The following RABGAP1 variants were observed in gnomAD, a reference collection of about 807,000 sequenced individuals.
RABGAP1 encodes the protein RAB GTPase activating protein 1, also known as rab GTPase-activating protein 1.
A neutral mutation model predicts 137.6 loss-of-function variants in RABGAP1; 23 were observed. The ratio of observed to expected loss-of-function variants is 0.17; its 90% confidence interval spans 0.12 to 0.24. The LOEUF (loss-of-function observed/expected upper bound fraction) is 0.24, where lower values mean the gene tolerates loss of function less well. RABGAP1 is among the 10% of genes least tolerant of loss of function. RABGAP1 has a pLI of 1.00. For synonymous variants in RABGAP1, 451 were observed against 450.7 expected, an observed-to-expected ratio of 1.00 and a Z score of -0.01; for missense variants, 906 against 1,275.8, an observed-to-expected ratio of 0.71 and a Z score of 4.42.
intron 13 of RABGAP1, among the ~76,000 whole-genome samples, chr9:123,055,632 T>A (rs1482105883): frequency 3.3e-5 from 5 of 149,680 alleles, no homozygotes; most frequent in African/African-American, 1.2e-4. Context: ...TCACTGCAAC[T>A]TGCGCCTCCT....
intron 3 of RABGAP1, among the ~76,000 whole-genome samples, chr9:122,985,273 G>A (rs1456606215): frequency 1.3e-5 from 2 of 152,170 alleles, no homozygotes; most frequent in Admixed American, 1.3e-4. Context: ...ATAATGAAGT[G>A]GCTAAGATGA....
intron 14 of RABGAP1, among the ~76,000 whole-genome samples, chr9:123,068,573 T>C (rs1310553157): frequency 2.0e-5 from 3 of 152,172 alleles, no homozygotes; most frequent in African/African-American, 7.2e-5. Context: ...TTAATTGTTA[T>C]TAATTTGATA....
intron 10 of RABGAP1, among the ~76,000 whole-genome samples, chr9:123,008,821 A>C (rs543083884): frequency 5.3e-5 from 8 of 152,302 alleles, no homozygotes; most frequent in African/African-American, 1.9e-4. Context: ...CCTTTCAAAA[A>C]AAAGAATGTT....
At chr9:123,027,394 G>A (rs1030585101) in intron 13 of RABGAP1, among the ~76,000 whole-genome samples, 1 of 152,194 alleles carries the variant, frequency 6.6e-6, no homozygotes, top group Admixed American at 6.5e-5. Context: ...GATTACAGGC[G>A]TGAGCCACCG....
intron 13 of RABGAP1, 65 bp downstream of exon 13, chr9:123,020,524 A>G: frequency 2.2e-6 from 3 of 1,343,022 alleles, no homozygotes; most frequent in African/African-American, 1.5e-5. Flanking sequence ...AAAGATCATT[A>G]TAGTTATTTG....
chr9:123,103,372 C>G lies in RABGAP1; in HGVS notation c.*159C>G. ...GGTCACTGGACCAGAGCTTGTGAAG[C>G]AGGCAACCTCTGGGGTAAGACTACT... On this transcript the variant is annotated 3_prime_UTR_variant, in exon 26 of 26. Coordinates refer to ENST00000373647, the MANE Select transcript of RABGAP1 (RefSeq NM_012197.4). The G allele has an allele frequency of 8.9e-7, 1 of 1,125,282 alleles. No homozygotes were observed. Among genetic ancestry groups the G allele is most frequent in the South Asian group, 1.5e-5 (1 of 64,940 alleles). 69.7% of individuals were successfully genotyped at this position (1,125,282 alleles called of 1,614,324 possible). A position where few individuals can be genotyped will look rare whatever the true frequency, so the allele number is the denominator to read the frequency against.
intron 11 of RABGAP1, among the ~76,000 whole-genome samples, chr9:123,014,924 G>A (rs1296126550): frequency 6.6e-6 from 1 of 152,110 alleles, no homozygotes; most frequent in Non-Finnish European, 1.5e-5. Flanking sequence ...CAGATCTCAT[G>A]AGAACTCACT....
intron 10 of RABGAP1, among the ~76,000 whole-genome samples, chr9:123,001,455 A>G (rs1015291019): frequency 3.9e-5 from 6 of 152,242 alleles, no homozygotes; most frequent in Admixed American, 2.0e-4. Context: ...TTTTGATTCT[A>G]GTATACCCAA....
chr9:123,000,553 G>A (rs1025007476), intron 10 of RABGAP1, among the ~76,000 whole-genome samples: 1 of 151,918 alleles, frequency 6.6e-6, no homozygotes, highest in African/African-American at 2.4e-5. Flanking sequence ...CTTTATCTTG[G>A]TTCTCAGGAC....
intron 13 of RABGAP1, among the ~76,000 whole-genome samples, chr9:123,046,548 T>A (rs2033216388): frequency 6.6e-6 from 1 of 152,230 alleles, no homozygotes; most frequent in South Asian, 2.1e-4. Context: ...ATAATCGTTC[T>A]AAGTCTCAGT....
At chr9:123,097,870 C>T in intron 22 of RABGAP1, 25 bp downstream of exon 22, 2 of 1,592,448 alleles carry the variant, frequency 1.3e-6, no homozygotes, top group Non-Finnish European at 1.7e-6. Context: ...CCACATTCCT[C>T]TGTCTTGCAA....
rs1360515093 is a variant in RABGAP1, at chr9:123,103,362, G to C, written c.*149G>C. ...CATGTTGGTAGGTCACTGGACCAGA[G>C]CTTGTGAAGCAGGCAACCTCTGGGG... On this transcript the variant is annotated 3_prime_UTR_variant, in exon 26 of 26. Transcript: ENST00000373647. 4 of 1,263,484 alleles carry C rather than the reference G, an allele frequency of 3.2e-6. No homozygotes were observed. The highest frequency in any genetic ancestry group is 1.5e-5 in the South Asian group (1 of 68,416). 78.3% of individuals were successfully genotyped at this position (1,263,484 alleles called of 1,614,324 possible). A position where few individuals can be genotyped will look rare whatever the true frequency, so the allele number is the denominator to read the frequency against.
At chr9:122,988,860 T>G (rs1836507477) in intron 4 of RABGAP1, among the ~76,000 whole-genome samples, 3 of 151,672 alleles carry the variant, frequency 2.0e-5, no homozygotes, top group Admixed American at 1.3e-4. Flanking sequence ...GGAGAATCAC[T>G]TGAACCCAGG....
At chr9:122,941,551 T>TC (rs1306767181) in intron 1 of RABGAP1, among the ~76,000 whole-genome samples, 3 of 152,230 alleles carry the variant, frequency 2.0e-5, no homozygotes, top group Non-Finnish European at 2.9e-5. Flanking sequence ...CCTCAGGCTG[T>TC]CCTGGGCTGC....
At chr9:122,965,105 C>A (rs527794913) in intron 2 of RABGAP1, among the ~76,000 whole-genome samples, 2 of 152,122 alleles carry the variant, frequency 1.3e-5, no homozygotes, top group Non-Finnish European at 2.9e-5. Context: ...ACTAAACCAT[C>A]AACTGCTGAA....
intron 1 of RABGAP1, among the ~76,000 whole-genome samples, chr9:122,944,793 T>G (rs1833847297): frequency 6.6e-6 from 1 of 151,910 alleles, no homozygotes; most frequent in South Asian, 2.1e-4. Flanking sequence ...GCCAGGCTGG[T>G]CTCGAACTCC....
intron 12 of RABGAP1, among the ~76,000 whole-genome samples, chr9:123,016,662 T>A (rs1204290267): frequency 1.3e-5 from 2 of 152,190 alleles, no homozygotes; most frequent in Non-Finnish European, 1.5e-5. Flanking sequence ...TGAAAAAAGC[T>A]GAGCTTGGAA....
chr9:123,066,091 C>G (rs557854269), intron 14 of RABGAP1, among the ~76,000 whole-genome samples: 1 of 152,236 alleles, frequency 6.6e-6, no homozygotes, highest in African/African-American at 2.4e-5. Flanking sequence ...CAAAAGTAAT[C>G]AAGTACTTAT....
At chr9:122,985,035 G>A (rs938482141) in intron 3 of RABGAP1, among the ~76,000 whole-genome samples, 1 of 151,668 alleles carries the variant, frequency 6.6e-6, no homozygotes, top group Admixed American at 6.6e-5. Context: ...GAAGGAATAT[G>A]AGTACAATAT....
Sources: gnomAD v4.1 joint callset for allele counts (sites outside exome capture counted in the v4.1 genomes callset) on GRCh38, gnomAD v4.1.1 for gene constraint, MANE v1.5 for transcripts, NCBI Gene and HGNC (gene_info 2026-07-23, HGNC 2026-07-21) for gene names.